The following CWF19L1 variants were observed in gnomAD, a reference collection of about 807,000 sequenced individuals.
CWF19L1 encodes the protein CWF19 like cell cycle control factor 1.
A neutral mutation model predicts 69.7 loss-of-function variants in CWF19L1; 60 were observed. The observed-to-expected ratio is 0.86, with a 90% CI of 0.70 to 1.07. The LOEUF is 1.07. Ranked by LOEUF, CWF19L1 falls within the 50% of genes least tolerant of loss-of-function variation. The pLI is 0.00. For missense variants in CWF19L1, 591 were observed against 638.9 expected (o/e 0.92, Z 0.81); for synonymous variants, 209 against 222.2 (o/e 0.94, Z 0.53).
rs966321666 is a variant in CWF19L1 at position 100,238,109 on chromosome 10, C to T, written c.1167G>A (p.Lys389=). Residue 389 remains lysine (K), a synonymous_variant, in exon 11 of 14, where the codon AAG becomes AAA. Transcript: ENST00000354105. ...TCTTAAAGAACCGTCTCAGAGTGGCCTTATACTTCTCCACCTCTTCTACCA... is the reference window on the plus strand; with the variant it reads ...TCTTAAAGAACCGTCTCAGAGTGGCTTTATACTTCTCCACCTCTTCTACCA... ...AEVVEEVEKY[K]ATLRRFFKSR... 6.2e-7 allele frequency: 1 copy of T among 1,614,014 alleles called. No individual in the cohort carries two copies. Among genetic ancestry groups the T allele is most frequent in the Non-Finnish European group, 8.5e-7 (1 of 1,180,032 alleles).
intron 4 of CWF19L1, among the ~76,000 whole-genome samples, chr10:100,257,561 G>A (rs1024489498): frequency 1.3e-5 from 2 of 151,766 alleles, no homozygotes; most frequent in African/African-American, 4.8e-5. Flanking sequence ...ACCTCCCAAG[G>A]TGCTAGGATT....
At chr10:100,250,402 GACTCTAT>G (rs1241642550) in intron 6 of CWF19L1, 70 bp from the exon 7 acceptor site, 1 of 912,884 alleles carries the variant, frequency 1.1e-6, no homozygotes, top group Non-Finnish European at 1.8e-6. Flanking sequence ...AAAATATGTG[GACTCTAT>G]GGGGCCATAA....
At chr10:100,235,901 T>C in intron 12 of CWF19L1, 137 bp from the exon 13 acceptor site, 1 of 631,170 alleles carries the variant, frequency 1.6e-6, no homozygotes, top group Non-Finnish European at 2.7e-6. Context: ...CCCAAGCCAC[T>C]TAGTGGAACT....
intron 11 of CWF19L1, among the ~76,000 whole-genome samples, chr10:100,237,677 C>T (rs1031116125): frequency 3.9e-5 from 6 of 151,900 alleles, no homozygotes; most frequent in African/African-American, 7.3e-5. Flanking sequence ...GATGGAGTCT[C>T]GCTCTGTTGC....
chr10:100,248,620 A>G, intron 7 of CWF19L1: 1 of 750,790 alleles, frequency 1.3e-6, no homozygotes, highest in Non-Finnish European at 2.4e-6. Flanking sequence ...GCTGCTGTCC[A>G]TCACTACTGA....
intron 7 of CWF19L1, chr10:100,249,083 C>A: frequency 2.0e-6 from 1 of 511,976 alleles, no homozygotes. Flanking sequence ...AGGGGCCACC[C>A]TGCCTGCACC....
chr10:100,253,110 C>G (rs1847097048), intron 6 of CWF19L1, among the ~76,000 whole-genome samples: 1 of 152,148 alleles, frequency 6.6e-6, no homozygotes, highest in African/African-American at 2.4e-5. Flanking sequence ...GTCTTGAACT[C>G]CTGGGCTCGA....
intron 9 of CWF19L1, among the ~76,000 whole-genome samples, chr10:100,245,183 T>C (rs2134289671): frequency 6.6e-6 from 1 of 152,074 alleles, no homozygotes; most frequent in African/African-American, 2.4e-5. Context: ...CCACCACACC[T>C]GGCTAATTTT....
chr10:100,264,050 G>T (rs1048330554), intron 1 of CWF19L1, among the ~76,000 whole-genome samples: 1 of 152,160 alleles, frequency 6.6e-6, no homozygotes, highest in African/African-American at 2.4e-5. Context: ...AGATTATAAT[G>T]GAACTAAAAA....
intron 5 of CWF19L1, among the ~76,000 whole-genome samples, chr10:100,254,882 A>G (rs1014827452): frequency 6.6e-6 from 1 of 152,066 alleles, no homozygotes; most frequent in Admixed American, 6.6e-5. Flanking sequence ...ATTCTACGTA[A>G]AGAGTAATCA....
At chr10:100,235,832 C>G in intron 12 of CWF19L1, 68 bp from the exon 13 acceptor site, 1 of 1,114,122 alleles carries the variant, frequency 9.0e-7, no homozygotes, top group Non-Finnish European at 1.3e-6. Flanking sequence ...GAGTTCATCT[C>G]TAGGCAAATA....
intron 5 of CWF19L1, chr10:100,254,752 A>T (rs1364945057): frequency 6.6e-6 from 1 of 152,148 alleles, no homozygotes; most frequent in African/African-American, 2.4e-5. Flanking sequence ...TCATTTTCTC[A>T]TCCTTCCTTA....
At chr10:100,248,336 T>G in intron 7 of CWF19L1, 3 of 1,109,656 alleles carry the variant, frequency 2.7e-6, no homozygotes, top group Non-Finnish European at 4.1e-6. Context: ...TGGTGAACTC[T>G]GCCCTATATA....
intron 1 of CWF19L1, among the ~76,000 whole-genome samples, chr10:100,263,023 T>C (rs1367813246): frequency 6.6e-6 from 1 of 151,802 alleles, no homozygotes; most frequent in African/African-American, 2.4e-5. Context: ...TCCACTCCAC[T>C]CCACCCCACC....
intron 13 of CWF19L1, 60 bp downstream of exon 13, chr10:100,235,607 G>T: frequency 8.4e-7 from 1 of 1,194,242 alleles, no homozygotes. Flanking sequence ...GTCCCATGTA[G>T]CCCACCACTC....
intron 7 of CWF19L1, chr10:100,248,195 T>C (rs555287166): frequency 3.7e-5 from 25 of 672,658 alleles, no homozygotes; most frequent in South Asian, 1.7e-4. Context: ...AAGCTGAAAA[T>C]AGGCTGGGGA....
chr10:100,258,116 T>G (rs1394335987), intron 4 of CWF19L1, among the ~76,000 whole-genome samples: 1 of 152,128 alleles, frequency 6.6e-6, no homozygotes. Flanking sequence ...CACACACCCG[T>G]AACCCCAGCT....
intron 7 of CWF19L1, chr10:100,248,836 G>A: frequency 8.1e-7 from 1 of 1,239,198 alleles, no homozygotes; most frequent in East Asian, 2.3e-5. Context: ...GCGGGAAGCA[G>A]AGAGCACCAG....
chr10:100,258,610 T>C (rs1847289428), intron 4 of CWF19L1: 1 of 152,140 alleles, frequency 6.6e-6, no homozygotes, highest in Non-Finnish European at 1.5e-5. Flanking sequence ...ACTGGAAAGA[T>C]AAAGAGAATA....
Sources: allele counts gnomAD v4.1 joint callset (sites outside exome capture counted in the v4.1 genomes callset), GRCh38; gene constraint gnomAD v4.1.1; transcripts MANE v1.5; gene names NCBI Gene and HGNC (gene_info 2026-07-23, HGNC 2026-07-21).